Variants in IGSF10 observed in about 807,000 individuals in gnomAD.
IGSF10 encodes the protein calvaria mechanical force protein 608.
IGSF10 carries 126 observed loss-of-function variants against 128.2 expected under a neutral mutation model. That is an observed-to-expected ratio of 0.98 (90% CI 0.85 to 1.14). IGSF10 has a LOEUF of 1.14. Among genes scored for constraint, IGSF10 ranks in the 50% most tolerant of loss-of-function variants. IGSF10 has a pLI of 0.00. For synonymous variants in IGSF10, 1,185 were observed against 1,146.2 expected, an observed-to-expected ratio of 1.03 and a Z score of -0.68; for missense variants, 3,295 against 3,149.8, an observed-to-expected ratio of 1.05 and a Z score of -1.10.
Position 151,457,179 on chromosome 3 carries a change from G to A in IGSF10, c.195-24C>T, listed in dbSNP as rs138267408. ...ATCTGAAATAAAAAATGACATTCTA[G>A]GCATAAGCTAAGTCTGTCAACTAAA... On this transcript the variant is annotated intron_variant, in intron 3 of 7. Coordinates refer to ENST00000282466, the MANE Select transcript of IGSF10 (RefSeq NM_178822.5). The A allele has an allele frequency of 8.3e-4, 1,339 of 1,611,818 alleles. 10 individuals are homozygous for A. In the African/African-American group the frequency reaches 0.015, roughly 18 times the overall value.
At position 151,436,647 on chromosome 3, in the gene IGSF10, AAAT is replaced by A. The variant is rs142016761; in HGVS notation, c.*39_*41del. ...TGCCTTTGATTAAACTTCTTCCAAA[AAAT>A]AAATTCTGCCCAGATGTTGTTGACT... On this transcript the variant is annotated 3_prime_UTR_variant, in exon 8 of 8. Transcript: ENST00000282466. 7.0e-7 allele frequency: 1 copy of A among 1,423,182 alleles called. No individual in the cohort carries two copies. The highest frequency in any genetic ancestry group is 9.6e-7 in the Non-Finnish European group (1 of 1,045,480). The allele number at this position is 1,423,182 out of a possible 1,614,324, so 88.2% of individuals were successfully genotyped here. A position where few individuals can be genotyped will look rare whatever the true frequency, so the allele number is the denominator to read the frequency against.
chr3:151,585,945 T>G, the IGSF10 span, among the ~76,000 whole-genome samples: 11 of 152,092 alleles, frequency 7.2e-5, no homozygotes, highest in African/African-American at 2.7e-4. Flanking sequence ...ATAAACCATT[T>G]CTGAAATATT....
chr3:151,437,086 A>T lies in IGSF10; in HGVS notation c.7475T>A (p.Val2492Asp). The change falls in exon 8 of 8, where the codon GTC becomes GAC. Residue 2492 changes from valine (V) to aspartate (D), a missense_variant. Coordinates refer to ENST00000282466, the MANE Select transcript of IGSF10 (RefSeq NM_178822.5). ...KYILHDNGTL[V>D]IKEATAYDRG... ...GTCATAAGCTGTTGCTTCTTTAATGACTAAGGTGCCATTGTCATGCAATAT... is the reference window on the plus strand; with the variant it reads ...GTCATAAGCTGTTGCTTCTTTAATGTCTAAGGTGCCATTGTCATGCAATAT... 1.2e-6 allele frequency: 2 copies of T among 1,614,142 alleles called. No homozygotes were observed. The highest frequency in any genetic ancestry group is 1.7e-6 in the Non-Finnish European group (2 of 1,180,020).
At chr3:151,538,482 A>G in the IGSF10 span, among the ~76,000 whole-genome samples, 5 of 152,296 alleles carry the variant, frequency 3.3e-5, no homozygotes, top group East Asian at 9.6e-4. Flanking sequence ...AAGTAATAGT[A>G]GAAGAAACGT....
rs1383919239 is a variant in IGSF10 at position 151,453,426 on chromosome 3, A to C, written c.673T>G (p.Cys225Gly). The C allele has an allele frequency of 1.9e-6, 3 of 1,608,840 alleles. No individual in the cohort carries two copies. Among genetic ancestry groups the C allele is most frequent in the South Asian group, 1.1e-5 (1 of 89,532 alleles). ...CAGTCAGACAACCACTTTAAATGGC[A>C]ATCACAGGTCCATGGGTTTCCATGC... ...YLHGNPWTCD[C>G]HLKWLSDWIQ... is the part of the protein sequence containing the mutation. The change falls in exon 5 of 8, where the codon TGC becomes GGC. Residue 225 changes from cysteine (C) to glycine (G), a missense_variant. By Grantham distance (159) the Cys-to-Gly change is radical (BLOSUM62 -3). Coordinates refer to ENST00000282466, the MANE Select transcript of IGSF10 (RefSeq NM_178822.5).
At chr3:151,488,588 A>C in the IGSF10 span, among the ~76,000 whole-genome samples, 1 of 152,218 alleles carries the variant, frequency 6.6e-6, no homozygotes, top group Non-Finnish European at 1.5e-5. Flanking sequence ...ACAAGTCTAC[A>C]GTAACCAAAA....
the IGSF10 span, among the ~76,000 whole-genome samples, chr3:151,565,680 C>T: frequency 2.0e-5 from 3 of 152,056 alleles, no homozygotes; most frequent in Non-Finnish European, 4.4e-5. Flanking sequence ...TTTAGACCTA[C>T]TAAAGCACCT....
In IGSF10 at chr3:151,447,599, G is replaced by A. The variant is rs763453103; in HGVS notation, c.2382C>T (p.Asp794=). The A allele has an allele frequency of 2.6e-5, 42 of 1,613,992 alleles. No homozygotes were observed. Among genetic ancestry groups the A allele is most frequent in the Middle Eastern group, 1.6e-4 (1 of 6,084 alleles). ...TQLPNIPGEE[D]DSSGMLALHE... ...GTAGAGCGAGCATGCCTGAGGAATC[G>A]TCTTCTTCACCAGGTATGTTTGGGA... Residue 794 remains aspartate, a synonymous_variant, in exon 6 of 8, where the codon GAC becomes GAT. Coordinates refer to ENST00000282466, the MANE Select transcript of IGSF10 (RefSeq NM_178822.5).
the IGSF10 span, among the ~76,000 whole-genome samples, chr3:151,479,625 A>G: frequency 6.6e-6 from 1 of 152,208 alleles, no homozygotes; most frequent in Admixed American, 6.5e-5. Context: ...CATGTCCTCT[A>G]CTAAAGTGAA....
the IGSF10 span, among the ~76,000 whole-genome samples, chr3:151,611,510 AAG>A: frequency 2.6e-5 from 4 of 152,212 alleles, no homozygotes; most frequent in South Asian, 2.1e-4. Flanking sequence ...AAAGGGGAGA[AAG>A]AGAAAACACG....
At chr3:151,545,467 G>A in the IGSF10 span, among the ~76,000 whole-genome samples, 2 of 152,220 alleles carry the variant, frequency 1.3e-5, no homozygotes, top group Non-Finnish European at 2.9e-5. Flanking sequence ...TTTGCTCTGA[G>A]TGCTAAATAA....
At chr3:151,607,074 A>G in the IGSF10 span, among the ~76,000 whole-genome samples, 1 of 152,192 alleles carries the variant, frequency 6.6e-6, no homozygotes, top group African/African-American at 2.4e-5. Context: ...GGAGAGTTGG[A>G]TTAGATTATT....
chr3:151,455,039 T>C (rs1721714839), intron 4 of IGSF10, among the ~76,000 whole-genome samples: 1 of 152,078 alleles, frequency 6.6e-6, no homozygotes, highest in Admixed American at 6.6e-5. Flanking sequence ...AATTTATTGG[T>C]TTTTAGTATA....
the IGSF10 span, among the ~76,000 whole-genome samples, chr3:151,504,511 T>C: frequency 1.3e-5 from 2 of 152,220 alleles, no homozygotes; most frequent in East Asian, 3.9e-4. Context: ...ATTGTTCTCT[T>C]AAATATTGAC....
the IGSF10 span, among the ~76,000 whole-genome samples, chr3:151,481,928 C>T: frequency 1.3e-5 from 2 of 152,182 alleles, no homozygotes; most frequent in Non-Finnish European, 2.9e-5. Flanking sequence ...CCTCAGTCAT[C>T]GCTAACATTG....
chr3:151,512,762 T>C, the IGSF10 span, among the ~76,000 whole-genome samples: 1 of 151,726 alleles, frequency 6.6e-6, no homozygotes, highest in Non-Finnish European at 1.5e-5. Context: ...ATAGACGCAA[T>C]AAAAAATGAC....
At position 151,436,874 on chromosome 3, in the gene IGSF10, C is replaced by G; in HGVS notation, c.7687G>C (p.Glu2563Gln). Residue 2563 changes from glutamate to glutamine, a missense_variant, in exon 8 of 8, where the codon GAG becomes CAG. Glu to Gln is a conservative substitution (Grantham distance 29, BLOSUM62 2). Transcript: ENST00000282466. ...LGVPKPEITW[E>Q]MPDHSLLSTA... ...GAGAGAAGGGAGTGGTCAGGCATCT[C>G]CCATGTGATTTCTGGCTTGGGAACT... 6.2e-7 allele frequency: 1 copy of G among 1,614,146 alleles called. No individual in the cohort carries two copies. The highest frequency in any genetic ancestry group is 1.3e-5 in the African/African-American group (1 of 75,040).
chr3:151,534,799 GTA>G, the IGSF10 span, among the ~76,000 whole-genome samples: 6 of 134,044 alleles, frequency 4.5e-5, no homozygotes, highest in African/African-American at 8.2e-5. Context: ...AATTTAAAGT[GTA>G]TGTGTGTGTG....
chr3:151,438,852 G>GTA (rs368977751), intron 7 of IGSF10, among the ~76,000 whole-genome samples: 2,355 of 83,846 alleles, frequency 0.028, 17 homozygotes, highest in Non-Finnish European at 0.038. Flanking sequence ...ACATTTTGAG[G>GTA]TATATATATA....
Sources: allele counts gnomAD v4.1 joint callset (sites outside exome capture counted in the v4.1 genomes callset), GRCh38; gene constraint gnomAD v4.1.1; transcripts MANE v1.5; gene names NCBI Gene and HGNC (gene_info 2026-07-23, HGNC 2026-07-21).